ST8SIA5: variants seen among roughly 807,000 people sequenced by gnomAD.
ST8SIA5 encodes alpha-2,8-sialyltransferase 8E.
A neutral mutation model predicts 40.2 loss-of-function variants in ST8SIA5; 24 were observed. The observed-to-expected ratio is 0.60, with a 90% CI of 0.43 to 0.84. The LOEUF (loss-of-function observed/expected upper bound fraction) is 0.84, where lower values mean the gene tolerates loss of function less well. Ranked by LOEUF, ST8SIA5 falls within the 40% of genes least tolerant of loss-of-function variation. The pLI is 0.00. For synonymous variants in ST8SIA5, 198 were observed against 201.8 expected (o/e 0.98, Z 0.16); for missense variants, 465 against 498.5 (o/e 0.93, Z 0.64).
intron 1 of ST8SIA5, among the ~76,000 whole-genome samples, chr18:46,728,583 T>C (rs972587691): frequency 2.6e-5 from 4 of 152,164 alleles, no homozygotes; most frequent in Admixed American, 2.6e-4. Context: ...CAGGACCCCA[T>C]GTGCTGACTG....
chr18:46,756,638 A>T lies in ST8SIA5; in HGVS notation c.-130T>A. On this transcript the variant is annotated 5_prime_UTR_variant, in exon 1 of 7. Coordinates refer to ENST00000315087, the MANE Select transcript of ST8SIA5 (RefSeq NM_013305.6). ...GCGGTCAGGCAGGCGGGGGACTTCG[A>T]GGGGCAAAGTTTCTGGTTGGCGCGG... is the stretch of plus-strand genomic sequence containing the variant. 1 of 1,137,480 alleles carries T rather than the reference A, an allele frequency of 8.8e-7. No individual in the cohort carries two copies. Among genetic ancestry groups the T allele is most frequent in the Non-Finnish European group, 1.2e-6 (1 of 825,386 alleles). 70.5% of individuals were successfully genotyped at this position (1,137,480 alleles called of 1,614,324 possible). A position where few individuals can be genotyped will look rare whatever the true frequency, so the allele number is the denominator to read the frequency against.
At chr18:46,701,813 C>T (rs1490003919) in intron 2 of ST8SIA5, among the ~76,000 whole-genome samples, 1 of 152,120 alleles carries the variant, frequency 6.6e-6, no homozygotes, top group Non-Finnish European at 1.5e-5. Flanking sequence ...CCTGTCCAGA[C>T]CTTCAAGGAA....
intron 1 of ST8SIA5, among the ~76,000 whole-genome samples, chr18:46,735,558 A>C: frequency 6.6e-6 from 1 of 152,222 alleles, no homozygotes; most frequent in Non-Finnish European, 1.5e-5. Flanking sequence ...TGAAATGAGA[A>C]TTGATGGATT....
chr18:46,726,270 T>C (rs1269140098), intron 1 of ST8SIA5, among the ~76,000 whole-genome samples: 2 of 151,942 alleles, frequency 1.3e-5, no homozygotes, highest in Non-Finnish European at 2.9e-5. Flanking sequence ...TTCATTTATA[T>C]AACATTTGTT....
chr18:46,712,259 C>A (rs1165889487), intron 1 of ST8SIA5, among the ~76,000 whole-genome samples: 1 of 152,092 alleles, frequency 6.6e-6, no homozygotes, highest in Non-Finnish European at 1.5e-5. Flanking sequence ...CTGGCCAGTG[C>A]CCCTACTGCT....
chr18:46,750,027 A>G (rs2040181859), intron 1 of ST8SIA5, among the ~76,000 whole-genome samples: 1 of 152,244 alleles, frequency 6.6e-6, no homozygotes, highest in East Asian at 1.9e-4. Context: ...CCTCTTGAGC[A>G]GGAGAAACAA....
chr18:46,721,492 G>C, intron 1 of ST8SIA5: 1 of 1,527,422 alleles, frequency 6.5e-7, no homozygotes, highest in Non-Finnish European at 8.8e-7. Context: ...CGAGGCAGTC[G>C]GTACTCATGC....
Position 46,756,388 on chromosome 18 carries a change from A to G in ST8SIA5, c.121T>C (p.Tyr41His). ...AATGGACTTTCTTACCTCTTAATGT[A>G]GTTCCTGCCATACAGGATCTGTTGC... ...LLQQILYGRN[Y>H]IKRYFEFYEG... Residue 41 changes from tyrosine (Y) to histidine (H), a missense_variant, in exon 1 of 7, where the codon TAC becomes CAC. Transcript: ENST00000315087. 1.9e-6 allele frequency: 3 copies of G among 1,612,424 alleles called. No individual in the cohort carries two copies. The highest frequency in any genetic ancestry group is 2.5e-6 in the Non-Finnish European group (3 of 1,178,954).
intron 2 of ST8SIA5, among the ~76,000 whole-genome samples, chr18:46,698,444 TA>T (rs2039578779): frequency 7.9e-6 from 1 of 126,480 alleles, no homozygotes; most frequent in African/African-American, 3.1e-5. Flanking sequence ...CACCAACAAT[TA>T]AACCAACGAT....
chr18:46,704,462 A>G, intron 2 of ST8SIA5, 110 bp downstream of exon 2: 1 of 967,836 alleles, frequency 1.0e-6, no homozygotes, highest in Admixed American at 1.9e-5. Flanking sequence ...CTCTATAGGA[A>G]CCTACCATGT....
At chr18:46,709,938 T>C (rs946974138) in intron 1 of ST8SIA5, among the ~76,000 whole-genome samples, 4 of 152,180 alleles carry the variant, frequency 2.6e-5, no homozygotes, top group African/African-American at 9.7e-5. Context: ...CTTACCCTGT[T>C]ACAAGATTGA....
chr18:46,686,745 C>T (rs1355128563), intron 4 of ST8SIA5, among the ~76,000 whole-genome samples: 3 of 143,040 alleles, frequency 2.1e-5, no homozygotes, highest in East Asian at 2.1e-4. Context: ...TGAGCCAAGG[C>T]GGGGAAAACA....
Position 46,670,053 on chromosome 18 carries a change from A to T in ST8SIA5, c.*9989T>A, listed in dbSNP as rs371646278. 6 of 151,492 alleles carry T rather than the reference A, an allele frequency of 4.0e-5. No individual in the cohort carries two copies. Among genetic ancestry groups the T allele is most frequent in the African/African-American group, 1.5e-4 (6 of 41,120 alleles). 9.4% of individuals were successfully genotyped at this position (151,492 alleles called of 1,614,324 possible). On this transcript the variant is annotated 3_prime_UTR_variant, in exon 7 of 7. Coordinates refer to ENST00000315087, the MANE Select transcript of ST8SIA5 (RefSeq NM_013305.6). Reference sequence around the variant, plus strand: ...CACTGCACTCCAGCCTGGGTGACAGAGTGAGACTCCATCTCAAAAAAAAAA... The same window carrying T: ...CACTGCACTCCAGCCTGGGTGACAGTGTGAGACTCCATCTCAAAAAAAAAA...
At chr18:46,702,708 C>T (rs1431222689) in intron 2 of ST8SIA5, among the ~76,000 whole-genome samples, 1 of 152,190 alleles carries the variant, frequency 6.6e-6, no homozygotes, top group Admixed American at 6.5e-5. Flanking sequence ...TCCCCCTAGT[C>T]CCAGCCTGGG....
chr18:46,715,736 T>C (rs1352747620), intron 1 of ST8SIA5, among the ~76,000 whole-genome samples: 2 of 151,932 alleles, frequency 1.3e-5, no homozygotes, highest in Admixed American at 6.6e-5. Context: ...TGCACCACCA[T>C]GTCTAGCTAT....
At chr18:46,718,828 A>G (rs2039820786) in intron 1 of ST8SIA5, among the ~76,000 whole-genome samples, 1 of 152,202 alleles carries the variant, frequency 6.6e-6, no homozygotes, top group African/African-American at 2.4e-5. Flanking sequence ...CATGAAGCTC[A>G]TCCCATCTTC....
At chr18:46,730,095 T>G in intron 1 of ST8SIA5, 3 of 882,498 alleles carry the variant, frequency 3.4e-6, no homozygotes, top group Non-Finnish European at 4.1e-6. Flanking sequence ...TCAGTGCCTC[T>G]CCATCAGTCA....
At chr18:46,734,194 C>G (rs1332671766) in intron 1 of ST8SIA5, among the ~76,000 whole-genome samples, 1 of 152,204 alleles carries the variant, frequency 6.6e-6, no homozygotes, top group East Asian at 1.9e-4. Flanking sequence ...TGTCCATGCT[C>G]CTGACTCACT....
chr18:46,691,194 T>G (rs1021161079), intron 3 of ST8SIA5, among the ~76,000 whole-genome samples: 3 of 152,330 alleles, frequency 2.0e-5, no homozygotes, highest in Middle Eastern at 3.4e-3. Flanking sequence ...AGGCCTTTGC[T>G]TGGTTTCTGT....
Sources: allele counts gnomAD v4.1 joint callset (sites outside exome capture counted in the v4.1 genomes callset), GRCh38; gene constraint gnomAD v4.1.1; transcripts MANE v1.5; gene names NCBI Gene and HGNC (gene_info 2026-07-23, HGNC 2026-07-21).